Variants in PDE8B observed in about 807,000 individuals in gnomAD.
PDE8B encodes the protein phosphodiesterase 8B.
In PDE8B, 26 loss-of-function variants were observed where a neutral mutation model predicts 101.3. The observed-to-expected ratio is 0.26, with a 90% CI of 0.19 to 0.36. The LOEUF (loss-of-function observed/expected upper bound fraction) is 0.36, where lower values mean the gene tolerates loss of function less well. PDE8B is among the 10% of genes least tolerant of loss of function. The pLI is 1.00. For missense variants in PDE8B, 810 were observed against 1,163.1 expected, an observed-to-expected ratio of 0.70 and a Z score of 4.42; for synonymous variants, 424 against 429.3, an observed-to-expected ratio of 0.99 and a Z score of 0.15.
the PDE8B span, among the ~76,000 whole-genome samples, chr5:77,138,910 T>C: frequency 6.6e-6 from 1 of 152,214 alleles, no homozygotes; most frequent in Non-Finnish European, 1.5e-5. Flanking sequence ...ATTTCTATTT[T>C]AATTTAGGTT....
the PDE8B span, among the ~76,000 whole-genome samples, chr5:77,109,639 A>G: frequency 4.6e-5 from 7 of 152,206 alleles, no homozygotes; most frequent in African/African-American, 9.6e-5. Context: ...CCCATGCCCA[A>G]TGTTGTCCTG....
At chr5:77,194,928 C>G in the PDE8B span, among the ~76,000 whole-genome samples, 1 of 152,106 alleles carries the variant, frequency 6.6e-6, no homozygotes, top group Admixed American at 6.6e-5. Context: ...GTTTGAATAC[C>G]TGTTGTCAGT....
the PDE8B span, among the ~76,000 whole-genome samples, chr5:77,168,157 C>T: frequency 2.0e-5 from 3 of 152,324 alleles, no homozygotes; most frequent in East Asian, 3.9e-4. Context: ...AGGGACGATA[C>T]GAGAGTCTAA....
chr5:77,183,123 A>AT, the PDE8B span, among the ~76,000 whole-genome samples: 1 of 130,312 alleles, frequency 7.7e-6, no homozygotes, highest in Non-Finnish European at 1.5e-5. Context: ...TATTATTATT[A>AT]TTATTAATTA....
At chr5:77,153,572 C>CTTTT in the PDE8B span, among the ~76,000 whole-genome samples, 3 of 131,482 alleles carry the variant, frequency 2.3e-5, no homozygotes, top group African/African-American at 5.8e-5. Context: ...CAGCTTTACT[C>CTTTT]TTTTTTTTTT....
At chr5:77,361,774 A>G (rs1449839218) in intron 10 of PDE8B, among the ~76,000 whole-genome samples, 3 of 152,082 alleles carry the variant, frequency 2.0e-5, no homozygotes, top group Admixed American at 6.5e-5. Context: ...TCGGCCTCCT[A>G]AAGTGCTGGG....
intron 4 of PDE8B, among the ~76,000 whole-genome samples, chr5:77,330,377 C>A (rs1025760190): frequency 6.6e-6 from 1 of 152,038 alleles, no homozygotes; most frequent in Non-Finnish European, 1.5e-5. Flanking sequence ...ATGATGTCAC[C>A]GATTTTTCCT....
the PDE8B span, among the ~76,000 whole-genome samples, chr5:77,097,685 T>TTATATATCTA: frequency 2.8e-4 from 5 of 18,116 alleles, no homozygotes; most frequent in African/African-American, 6.3e-4. Flanking sequence ...TGTGGAGATT[T>TTATATATCTA]TATATATCTA....
intron 1 of PDE8B, among the ~76,000 whole-genome samples, chr5:77,268,611 T>C (rs113819949): frequency 6.6e-6 from 1 of 151,940 alleles, no homozygotes; most frequent in Non-Finnish European, 1.5e-5. Flanking sequence ...GAACATGTGA[T>C]GTTTGTCTTT....
intron 7 of PDE8B, among the ~76,000 whole-genome samples, chr5:77,347,303 A>G (rs930660696): frequency 1.3e-5 from 2 of 152,276 alleles, no homozygotes; most frequent in East Asian, 3.9e-4. Flanking sequence ...TAATTTGTCC[A>G]TGGTTCTGTA....
At chr5:77,244,462 C>A (rs927185988) in intron 1 of PDE8B, among the ~76,000 whole-genome samples, 2 of 152,070 alleles carry the variant, frequency 1.3e-5, no homozygotes, top group South Asian at 4.2e-4. Flanking sequence ...GCTCCAGGGG[C>A]AGCCTTAGGG....
chr5:77,319,714 A>G (rs1475232890), intron 2 of PDE8B, among the ~76,000 whole-genome samples: 1 of 152,220 alleles, frequency 6.6e-6, no homozygotes, highest in Non-Finnish European at 1.5e-5. Flanking sequence ...GTCATAGAGG[A>G]AGTGAAGCCA....
the PDE8B span, among the ~76,000 whole-genome samples, chr5:77,122,006 A>G: frequency 9.9e-5 from 15 of 152,228 alleles, no homozygotes; most frequent in Non-Finnish European, 1.3e-4. Flanking sequence ...TGAATAGAAC[A>G]AGTTACATTC....
At chr5:77,280,007 G>C (rs1376551185) in intron 1 of PDE8B, among the ~76,000 whole-genome samples, 1 of 152,178 alleles carries the variant, frequency 6.6e-6, no homozygotes, top group African/African-American at 2.4e-5. Context: ...CTCCCACCTG[G>C]GCCAGCTTTA....
intron 3 of PDE8B, among the ~76,000 whole-genome samples, chr5:77,326,945 C>A (rs906268786): frequency 1.3e-5 from 2 of 152,164 alleles, no homozygotes; most frequent in African/African-American, 4.8e-5. Flanking sequence ...AGCAGATAAG[C>A]TTTACATTTT....
chr5:77,173,625 CT>C, the PDE8B span, among the ~76,000 whole-genome samples: 1 of 150,792 alleles, frequency 6.6e-6, no homozygotes, highest in Non-Finnish European at 1.5e-5. Context: ...CTATATTGCC[CT>C]CTTTTTTTAA....
intron 1 of PDE8B, among the ~76,000 whole-genome samples, chr5:77,261,793 C>T (rs1453403175): frequency 1.3e-5 from 2 of 152,222 alleles, no homozygotes; most frequent in Non-Finnish European, 2.9e-5. Context: ...GGTTGCCGGG[C>T]CTTACTCCTG....
chr5:77,148,791 T>C, the PDE8B span, among the ~76,000 whole-genome samples: 1 of 152,222 alleles, frequency 6.6e-6, no homozygotes, highest in Non-Finnish European at 1.5e-5. Flanking sequence ...TTATCAAGTC[T>C]AGGATTTTTG....
intron 1 of PDE8B, among the ~76,000 whole-genome samples, chr5:77,253,847 G>A (rs1260449120): frequency 1.3e-5 from 2 of 151,978 alleles, no homozygotes; most frequent in East Asian, 3.9e-4. Context: ...TAGCTCCTAA[G>A]TTGATTGATT....
Sources: allele counts gnomAD v4.1 joint callset (sites outside exome capture counted in the v4.1 genomes callset), GRCh38; gene constraint gnomAD v4.1.1; transcripts MANE v1.5; gene names NCBI Gene and HGNC (gene_info 2026-07-23, HGNC 2026-07-21).